Variants in GARNL3 observed in about 807,000 individuals in gnomAD.
GARNL3 encodes GTPase activating Rap/RanGAP domain like 3.
A neutral mutation model predicts 125.0 loss-of-function variants in GARNL3; 63 were observed. The observed-to-expected ratio is 0.50, with a 90% CI of 0.41 to 0.62. The LOEUF (loss-of-function observed/expected upper bound fraction) is 0.62, where lower values mean the gene tolerates loss of function less well. Ranked by LOEUF, GARNL3 falls within the 20% of genes least tolerant of loss-of-function variation. The pLI is 0.00. For missense variants in GARNL3, 994 were observed against 1,244.0 expected, an observed-to-expected ratio of 0.80 and a Z score of 3.02; for synonymous variants, 439 against 457.5, an observed-to-expected ratio of 0.96 and a Z score of 0.52.
intron 2 of GARNL3, among the ~76,000 whole-genome samples, chr9:127,298,813 T>C (rs969166173): frequency 3.9e-5 from 6 of 152,172 alleles, no homozygotes; most frequent in Non-Finnish European, 8.8e-5. Flanking sequence ...GTCGACTTGC[T>C]AACAGTGAAG....
At chr9:127,253,362 A>T (rs986130116) in intron 2 of GARNL3, among the ~76,000 whole-genome samples, 2 of 152,176 alleles carry the variant, frequency 1.3e-5, no homozygotes, top group African/African-American at 4.8e-5. Flanking sequence ...AACTTGTTTT[A>T]TATGGCCCCA....
chr9:127,313,675 G>A (rs1432932939), intron 4 of GARNL3, 116 bp downstream of exon 4: 1 of 760,330 alleles, frequency 1.3e-6, no homozygotes, highest in Non-Finnish European at 2.4e-6. Context: ...GTCTTCTCGT[G>A]ATTCACCTCT....
chr9:127,364,134 T>C lies in GARNL3; in HGVS notation c.2095-1166T>C, dbSNP rs1236866465. On this transcript the variant is annotated intron_variant, in intron 21 of 27. Coordinates refer to ENST00000373387, the MANE Select transcript of GARNL3 (RefSeq NM_032293.5). This position sits in a 1 kb window ranked among gnomAD's most constrained non-coding sequence, Gnocchi z 4.2. ...CCACTACCTCCTGCTTTTAATGACT[T>C]GGATGTGGAATCAGTTACATCTGAG... is the stretch of plus-strand genomic sequence containing the variant. 1 of 152,276 alleles carries C rather than the reference T, an allele frequency of 6.6e-6. No individual in the cohort carries two copies. Among genetic ancestry groups the C allele is most frequent in the East Asian group, 1.9e-4 (1 of 5,204 alleles). The allele number at this position is 152,276 out of a possible 1,614,324, so 9.4% of individuals were successfully genotyped here. A position where few individuals can be genotyped will look rare whatever the true frequency, so the allele number is the denominator to read the frequency against.
At chr9:127,327,642 T>C (rs1313157088) in intron 7 of GARNL3, among the ~76,000 whole-genome samples, 4 of 152,160 alleles carry the variant, frequency 2.6e-5, no homozygotes, top group Non-Finnish European at 4.4e-5. Context: ...CAAGTGATCC[T>C]CCCGGCTCAG....
chr9:127,339,945 C>T (rs2131601662), intron 13 of GARNL3, among the ~76,000 whole-genome samples, 194 bp downstream of exon 13: 1 of 152,256 alleles, frequency 6.6e-6, no homozygotes, highest in Non-Finnish European at 1.5e-5. Context: ...CCCCACCTTC[C>T]ATCCTGTCAC....
chr9:127,227,357 T>C (rs1330627454), intron 1 of GARNL3, among the ~76,000 whole-genome samples: 2 of 152,124 alleles, frequency 1.3e-5, no homozygotes, highest in Non-Finnish European at 2.9e-5. Context: ...TCCCAGTACT[T>C]TGGGAGGCCG....
intron 2 of GARNL3, among the ~76,000 whole-genome samples, chr9:127,250,619 A>C (rs2063384262): frequency 6.6e-6 from 1 of 152,110 alleles, no homozygotes. Flanking sequence ...GAAAGATTCG[A>C]GTTGGAGGTT....
chr9:127,270,034 T>G lies in GARNL3; in HGVS notation c.144+5013T>G, dbSNP rs942101719. Among the ~76,000 whole-genome samples the G allele has an allele frequency of 2.0e-4, 31 of 152,206 alleles. 1 individual carries two copies. Among genetic ancestry groups the G allele is most frequent in the South Asian group, 4.1e-4 (2 of 4,828 alleles). On this transcript the variant is annotated intron_variant, in intron 1 of 27. Coordinates refer to ENST00000373387, the MANE Select transcript of GARNL3 (RefSeq NM_032293.5). ...AAATTCAATGTCCAGAAGATTCTCT[T>G]GTATGTTTTCTTCTAAGGCTTTTAT...
At chr9:127,308,792 C>T (rs1025471117) in intron 2 of GARNL3, among the ~76,000 whole-genome samples, 4 of 152,132 alleles carry the variant, frequency 2.6e-5, no homozygotes, top group South Asian at 4.1e-4. Context: ...CCTACTCTTG[C>T]GAAATACACA....
chr9:127,239,910 C>T (rs28600195), intron 1 of GARNL3, among the ~76,000 whole-genome samples: 25,118 of 151,986 alleles, frequency 0.17, 6,385 homozygotes, highest in African/African-American at 0.55. Context: ...GCTAGCCTTT[C>T]AAATTTTTAA....
chr9:127,332,648 T>C (rs1003763545), intron 8 of GARNL3, among the ~76,000 whole-genome samples: 7 of 152,220 alleles, frequency 4.6e-5, no homozygotes, highest in Admixed American at 2.6e-4. Context: ...AAGATTTTTC[T>C]GTGATTTTTA....
chr9:127,300,691 G>A, intron 2 of GARNL3: 1 of 299,980 alleles, frequency 3.3e-6, no homozygotes, highest in Non-Finnish European at 6.3e-6. Context: ...CTGACCTCAA[G>A]TGATCTGTCC....
At chr9:127,249,881 C>T (rs143384589) in intron 2 of GARNL3, among the ~76,000 whole-genome samples, 1,808 of 152,058 alleles carry the variant, frequency 0.012, 16 homozygotes, top group Middle Eastern at 0.031. Flanking sequence ...TGGTGGTGGA[C>T]GCCTGTAATC....
upstream of GARNL3, chr9:127,264,130 T>C (rs12343725): frequency 0.026 from 15,705 of 594,940 alleles, 1,823 homozygotes; most frequent in African/African-American, 0.26. Context: ...ATCAAACTTA[T>C]TAAAACTGTT....
chr9:127,275,028 C>A (rs1013869547), intron 1 of GARNL3, among the ~76,000 whole-genome samples: 17 of 152,132 alleles, frequency 1.1e-4, no homozygotes, highest in African/African-American at 4.1e-4. Context: ...ATAAGCAAGA[C>A]CAGGCTCAGC....
intron 2 of GARNL3, among the ~76,000 whole-genome samples, chr9:127,245,700 G>A (rs1210987700): frequency 6.6e-6 from 1 of 152,196 alleles, no homozygotes; most frequent in Non-Finnish European, 1.5e-5. Flanking sequence ...TGTGTACCAG[G>A]CACCTTGCCC....
chr9:127,354,768 G>A (rs755925209), intron 19 of GARNL3, among the ~76,000 whole-genome samples: 62 of 152,274 alleles, frequency 4.1e-4, no homozygotes, highest in Middle Eastern at 3.4e-3. Flanking sequence ...ATAGGAAGTA[G>A]GACTTTCTTT....
intron 12 of GARNL3, among the ~76,000 whole-genome samples, chr9:127,338,945 G>A (rs780837190): frequency 3.3e-5 from 5 of 152,154 alleles, no homozygotes; most frequent in Admixed American, 1.3e-4. Flanking sequence ...ACAGAATAGT[G>A]GTGTATTACT....
chr9:127,255,592 ATAT>A (rs1246660755), intron 2 of GARNL3, among the ~76,000 whole-genome samples: 1 of 152,210 alleles, frequency 6.6e-6, no homozygotes, highest in African/African-American at 2.4e-5. Flanking sequence ...AATGTTCATT[ATAT>A]TATTCTTCAT....
Sources: allele counts gnomAD v4.1 joint callset (sites outside exome capture counted in the v4.1 genomes callset), GRCh38; gene constraint gnomAD v4.1.1; non-coding constraint Gnocchi (gnomAD v3.1); transcripts MANE v1.5; gene names NCBI Gene and HGNC (gene_info 2026-07-23, HGNC 2026-07-21).